The following DGKI variants were observed in gnomAD, a reference collection of about 807,000 sequenced individuals.
DGKI encodes the protein DAG kinase iota.
A neutral mutation model predicts 147.5 loss-of-function variants in DGKI; 55 were observed. That is an observed-to-expected ratio of 0.37 (90% CI 0.30 to 0.47). DGKI has a LOEUF of 0.47. Ranked by LOEUF, DGKI falls within the 20% of genes least tolerant of loss-of-function variation. DGKI has a pLI of 1.00. For synonymous variants in DGKI, 469 were observed against 477.1 expected (o/e 0.98, Z 0.22); for missense variants, 1,007 against 1,323.8 (o/e 0.76, Z 3.71).
intron 21 of DGKI, among the ~76,000 whole-genome samples, chr7:137,520,916 CCT>C (rs1372337046): frequency 6.6e-6 from 1 of 152,050 alleles, no homozygotes; most frequent in African/African-American, 2.4e-5. Flanking sequence ...TAACTATTTT[CCT>C]CTTTTACACA....
intron 21 of DGKI, among the ~76,000 whole-genome samples, chr7:137,490,555 ACT>A (rs1388272917): frequency 6.6e-6 from 1 of 152,104 alleles, no homozygotes; most frequent in East Asian, 1.9e-4. Flanking sequence ...ACTAACTTCT[ACT>A]CTTCCTGCCA....
At chr7:137,608,779 A>G (rs1013166160) in intron 10 of DGKI, among the ~76,000 whole-genome samples, 187 bp downstream of exon 10, 2 of 152,324 alleles carry the variant, frequency 1.3e-5, no homozygotes, top group Admixed American at 6.5e-5. Context: ...GATAAATTAT[A>G]GAACATCTAG....
chr7:137,494,032 C>G (rs1039238089), intron 21 of DGKI, among the ~76,000 whole-genome samples: 11 of 152,118 alleles, frequency 7.2e-5, no homozygotes, highest in African/African-American at 2.7e-4. Context: ...CAGAATACAA[C>G]TGCAAGTTAT....
At position 137,721,894 on chromosome 7, in the gene DGKI, CCTA is replaced by C; in HGVS notation, c.402-31895_402-31893del. The C allele has an allele frequency of 3.9e-6, 3 of 777,348 alleles. No individual in the cohort carries two copies. In the South Asian group the frequency reaches 5.8e-5, roughly 15 times the overall value. 48.2% of individuals were successfully genotyped at this position (777,348 alleles called of 1,614,324 possible). A position where few individuals can be genotyped will look rare whatever the true frequency, so the allele number is the denominator to read the frequency against. ...CATTTGCCCAGAATGCTAACTTCTG[CCTA>C]ATTCCAATCCTCCATCAAGCCAGCT... On this transcript the variant is annotated intron_variant, in intron 1 of 32. Coordinates refer to ENST00000614521, the MANE Select transcript of DGKI (RefSeq NM_001321708.2).
chr7:137,830,758 A>G (rs1297113523), intron 1 of DGKI, among the ~76,000 whole-genome samples: 1 of 152,256 alleles, frequency 6.6e-6, no homozygotes, highest in Non-Finnish European at 1.5e-5. Flanking sequence ...AATGTCCTCC[A>G]GAACTACAGT....
At chr7:137,430,015 A>C (rs1812995420) in intron 28 of DGKI, among the ~76,000 whole-genome samples, 1 of 108,432 alleles carries the variant, frequency 9.2e-6, no homozygotes, top group African/African-American at 3.5e-5. Context: ...AGGGATCTAG[A>C]ACTGGAAATA....
chr7:137,464,064 C>A (rs1381353199), intron 26 of DGKI, among the ~76,000 whole-genome samples: 2 of 151,858 alleles, frequency 1.3e-5, no homozygotes, highest in Admixed American at 6.6e-5. Flanking sequence ...AAGGCCAAAG[C>A]ATTTGGCCAT....
intron 14 of DGKI, among the ~76,000 whole-genome samples, chr7:137,584,679 C>T (rs1253510538): frequency 2.0e-5 from 3 of 152,138 alleles, no homozygotes; most frequent in Non-Finnish European, 4.4e-5. Flanking sequence ...TGCACATATG[C>T]AGTTTGAATC....
intron 1 of DGKI, among the ~76,000 whole-genome samples, chr7:137,827,243 G>C (rs560545064): frequency 6.6e-6 from 1 of 152,296 alleles, no homozygotes; most frequent in African/African-American, 2.4e-5. Context: ...CCCCACAGCT[G>C]AGTATGGAGC....
chr7:137,619,926 C>A lies in DGKI; in HGVS notation c.891G>T (p.Val297=), dbSNP rs1276140652. The A allele has an allele frequency of 6.2e-7, 1 of 1,613,508 alleles. No individual in the cohort carries two copies. The highest frequency in any genetic ancestry group is 2.2e-5 in the East Asian group (1 of 44,854). The change falls in exon 8 of 33, where the codon GTG becomes GTT. Residue 297 remains valine (V), a synonymous_variant. Coordinates refer to ENST00000614521, the MANE Select transcript of DGKI (RefSeq NM_001321708.2). ...CAATGTGATGCAGCATGAAGCAGGT[C>A]ACCTTATTGTGAAACTGAAGAGAAA... is the stretch of plus-strand genomic sequence containing the variant. ...SWCKQAFHNK[V]TCFMLHHIEE... is the part of the protein sequence containing the mutation.
In DGKI at chr7:137,568,344, C is replaced by T. The variant is rs377326363; in HGVS notation, c.1947+2831G>A. Among the ~76,000 whole-genome samples, 13 of 152,328 alleles carry T rather than the reference C, an allele frequency of 8.5e-5. 1 individual carries two copies. Among genetic ancestry groups the T allele is most frequent in the African/African-American group, 2.9e-4 (12 of 41,590 alleles). Reference sequence around the variant, plus strand: ...TCTCCTGGTAAAATTCAGTCAGTCACGTCACGCATTGCCAACTGCATGCCA... The same window carrying T: ...TCTCCTGGTAAAATTCAGTCAGTCATGTCACGCATTGCCAACTGCATGCCA... On this transcript the variant is annotated intron_variant, in intron 19 of 32. Transcript: ENST00000614521.
intron 1 of DGKI, among the ~76,000 whole-genome samples, chr7:137,839,313 C>A (rs909003473): frequency 1.3e-5 from 2 of 152,194 alleles, no homozygotes; most frequent in African/African-American, 4.8e-5. Context: ...AATGCCAAAA[C>A]CTGTCAGTTA....
intron 21 of DGKI, among the ~76,000 whole-genome samples, chr7:137,509,197 C>T (rs1403086093): frequency 6.6e-6 from 1 of 152,176 alleles, no homozygotes; most frequent in Admixed American, 6.5e-5. Context: ...AGTACTTTTC[C>T]ACTCGCTCAT....
rs750824372 is a variant in DGKI, at chr7:137,609,597, C to T, written c.1006G>A (p.Ala336Thr). The T allele has an allele frequency of 1.9e-6, 3 of 1,613,208 alleles. No homozygotes were observed. The highest frequency in any genetic ancestry group is 2.5e-6 in the Non-Finnish European group (3 of 1,179,480). ...KVKKPQNSLK[A>T]SNRKKKRTSF... ...GTTCTCTTCTTCTTCCGATTTGAAG[C>T]CTTCAGGGAGTTCTGTAGGGAGAGA... Residue 336 changes from alanine (A) to threonine (T), a missense_variant, in exon 9 of 33, where the codon GCT becomes ACT. Transcript: ENST00000614521.
chr7:137,768,700 T>C (rs553904177), intron 1 of DGKI, among the ~76,000 whole-genome samples: 1 of 152,314 alleles, frequency 6.6e-6, no homozygotes, highest in Admixed American at 6.5e-5. Flanking sequence ...TGCCCTTCTC[T>C]GGCCCCTGTT....
At chr7:137,491,496 C>A (rs1250452812) in intron 21 of DGKI, among the ~76,000 whole-genome samples, 1 of 152,182 alleles carries the variant, frequency 6.6e-6, no homozygotes, top group Non-Finnish European at 1.5e-5. Context: ...AACATAAAGA[C>A]CTGCATTCCA....
At chr7:137,630,746 ATAGT>A (rs1015855709) in intron 6 of DGKI, among the ~76,000 whole-genome samples, 5 of 152,168 alleles carry the variant, frequency 3.3e-5, no homozygotes, top group Non-Finnish European at 7.3e-5. Context: ...TTTTTTTCAG[ATAGT>A]TAGTGCTATA....
intron 28 of DGKI, among the ~76,000 whole-genome samples, chr7:137,430,484 G>T (rs574593663): frequency 6.6e-6 from 1 of 151,622 alleles, no homozygotes; most frequent in Non-Finnish European, 1.5e-5. Context: ...CAGCACACCA[G>T]CATGGCACAT....
chr7:137,505,153 A>C (rs1816323591), intron 21 of DGKI, among the ~76,000 whole-genome samples: 1 of 152,112 alleles, frequency 6.6e-6, no homozygotes, highest in Admixed American at 6.6e-5. Context: ...GAGGGATAGA[A>C]GAAAAAACAA....
Sources: allele counts gnomAD v4.1 joint callset (sites outside exome capture counted in the v4.1 genomes callset), GRCh38; gene constraint gnomAD v4.1.1; transcripts MANE v1.5; gene names NCBI Gene and HGNC (gene_info 2026-07-23, HGNC 2026-07-21).